Variants in FBRSL1 observed in about 807,000 individuals in gnomAD.
The protein encoded by FBRSL1 is fibrosin-1-like protein.
Under a neutral mutation model 89.6 loss-of-function variants are expected in FBRSL1, and 51 were observed. That is an observed-to-expected ratio of 0.57 (90% CI 0.45 to 0.72). The LOEUF (loss-of-function observed/expected upper bound fraction) is 0.72. FBRSL1 is among the 30% of genes least tolerant of loss of function. The pLI, the probability that FBRSL1 is intolerant of heterozygous loss-of-function variation, is 0.00. For missense variants in FBRSL1, 1,618 were observed against 1,451.8 expected, an observed-to-expected ratio of 1.11 and a Z score of -1.86; for synonymous variants, 779 against 681.1, an observed-to-expected ratio of 1.14 and a Z score of -2.24.
chr12:132,496,925 C>T (rs537237223), intron 1 of FBRSL1, among the ~76,000 whole-genome samples: 10 of 152,024 alleles, frequency 6.6e-5, no homozygotes, highest in Admixed American at 2.0e-4. Flanking sequence ...GCCGCTGCCC[C>T]GCGCTTCCTT....
At chr12:132,574,938 G>A (rs1426036885) in intron 14 of FBRSL1, among the ~76,000 whole-genome samples, 1 of 152,058 alleles carries the variant, frequency 6.6e-6, no homozygotes, top group Non-Finnish European at 1.5e-5. Context: ...TCGGTCTTCA[G>A]CAGTGACCCA....
chr12:132,581,368 T>A, intron 15 of FBRSL1, 71 bp from the exon 16 acceptor site: 1 of 1,549,874 alleles, frequency 6.5e-7, no homozygotes, highest in Non-Finnish European at 8.7e-7. Flanking sequence ...GTGCTCCCTG[T>A]GAACAGAGCT....
chr12:132,505,542 C>G (rs1428457847), intron 1 of FBRSL1, among the ~76,000 whole-genome samples: 1 of 152,252 alleles, frequency 6.6e-6, no homozygotes, highest in East Asian at 1.9e-4. Flanking sequence ...TGCTGCCTGT[C>G]ATGGTGGCCT....
Position 132,583,538 on chromosome 12 carries a change from C to G in FBRSL1, c.2769C>G (p.Pro923=). The G allele has an allele frequency of 1.9e-6, 2 of 1,047,202 alleles. No homozygotes were observed. The highest frequency in any genetic ancestry group is 2.3e-6 in the Non-Finnish European group (2 of 868,628). 64.9% of individuals were successfully genotyped at this position (1,047,202 alleles called of 1,614,324 possible). A position where few individuals can be genotyped will look rare whatever the true frequency, so the allele number is the denominator to read the frequency against. ...CCGCCTTGGACGGCGCGCTGCTGCC[C>G]TCGCTGGGAGCCCTGCACTTCCCGC... is the stretch of plus-strand genomic sequence containing the variant. ...AAPALDGALL[P]SLGALHFPRL... The change falls in exon 19 of 19, where the codon CCC becomes CCG. Residue 923 remains proline (P), a synonymous_variant. Transcript: ENST00000680143.
chr12:132,571,939 T>G, intron 9 of FBRSL1: 1 of 382,498 alleles, frequency 2.6e-6, no homozygotes. Context: ...TCTCGAGTTT[T>G]ATTCGGAAAC....
At chr12:132,526,847 C>G (rs571645362) in intron 3 of FBRSL1, among the ~76,000 whole-genome samples, 1 of 152,094 alleles carries the variant, frequency 6.6e-6, no homozygotes, top group South Asian at 2.1e-4. Flanking sequence ...CAGCCCTGAG[C>G]CTGTTTCCCC....
intron 4 of FBRSL1, among the ~76,000 whole-genome samples, chr12:132,536,951 G>T (rs150382099): frequency 6.6e-6 from 1 of 152,250 alleles, no homozygotes; most frequent in Non-Finnish European, 1.5e-5. Context: ...TGCCATGCCT[G>T]TGTGGTAACG....
At position 132,490,664 on chromosome 12, in the gene FBRSL1, C is replaced by A. The variant is rs1016361246; in HGVS notation, c.94C>A (p.Pro32Thr). Reference sequence around the variant, plus strand: ...CGCCCGCGACGCCCGCGCCCAGAGTCCGTCGTCGGGCGACGAGCCCGAGCC... The same window carrying A: ...CGCCCGCGACGCCCGCGCCCAGAGTACGTCGTCGGGCGACGAGCCCGAGCC... ...EAARDARAQS[P>T]SSGDEPEPSP... Residue 32 changes from proline to threonine, a missense_variant, in exon 1 of 19, where the codon CCG becomes ACG. Transcript: ENST00000680143. 67 of 996,522 alleles carry A rather than the reference C, an allele frequency of 6.7e-5. No homozygotes were observed. Among genetic ancestry groups the A allele is most frequent in the Non-Finnish European group, 7.8e-5 (65 of 834,718 alleles). 61.7% of individuals were successfully genotyped at this position (996,522 alleles called of 1,614,324 possible).
chr12:132,508,478 C>T (rs1033826445), intron 2 of FBRSL1, 128 bp downstream of exon 2: 7 of 1,171,182 alleles, frequency 6.0e-6, no homozygotes, highest in Non-Finnish European at 8.1e-6. Context: ...CCATCGTTGT[C>T]AGGCTTGGGG....
At chr12:132,541,696 G>A (rs562766435) in intron 4 of FBRSL1, among the ~76,000 whole-genome samples, 1 of 152,238 alleles carries the variant, frequency 6.6e-6, no homozygotes, top group African/African-American at 2.4e-5. Flanking sequence ...TCAGCCCTGG[G>A]GGCTGCCGGT....
chr12:132,551,807 C>T (rs1022046811), intron 5 of FBRSL1: 5 of 348,354 alleles, frequency 1.4e-5, no homozygotes, highest in East Asian at 7.6e-5. Context: ...CGCAAGTCTT[C>T]GGTTTGTGTC....
rs3751304 is a variant in FBRSL1, at chr12:132,582,046, C to T, written c.1997-16C>T. 0.71 allele frequency: 1,087,560 copies of T among 1,537,028 alleles called. 386,334 individuals are homozygous for T. Among genetic ancestry groups the T allele is most frequent in the East Asian group, 0.83 (33,872 of 40,676 alleles). Reference sequence around the variant, plus strand: ...CAGACAGACCCAACCTCATGCTCCCCGGCCTCTGCCCCCAGCTCCCGGTGG... The same window carrying T: ...CAGACAGACCCAACCTCATGCTCCCTGGCCTCTGCCCCCAGCTCCCGGTGG... On this transcript the variant is annotated splice_polypyrimidine_tract_variant and intron_variant, in intron 17 of 18. Coordinates refer to ENST00000680143, the MANE Select transcript of FBRSL1 (RefSeq NM_001367871.1).
chr12:132,525,852 G>A, intron 3 of FBRSL1, 29 bp downstream of exon 3: 2 of 1,522,856 alleles, frequency 1.3e-6, no homozygotes, highest in Non-Finnish European at 1.8e-6. Context: ...GCGCCCGGAG[G>A]CTCCGAGTCT....
chr12:132,549,787 C>A (rs76439770), intron 5 of FBRSL1, among the ~76,000 whole-genome samples: 13,755 of 152,270 alleles, frequency 0.09, 1,268 homozygotes, highest in African/African-American at 0.23. Context: ...TAACGCCAGC[C>A]TCCGAGACCC....
chr12:132,496,135 G>A (rs916100730), intron 1 of FBRSL1, among the ~76,000 whole-genome samples: 3 of 152,240 alleles, frequency 2.0e-5, no homozygotes, highest in East Asian at 3.8e-4. Flanking sequence ...GCCTGGTGCC[G>A]GCTGCCCTTT....
chr12:132,562,443 A>G (rs2039210565), intron 5 of FBRSL1, among the ~76,000 whole-genome samples: 1 of 152,112 alleles, frequency 6.6e-6, no homozygotes, highest in South Asian at 2.1e-4. Flanking sequence ...TGTGTGGTTG[A>G]GCTGGGTCTG....
At chr12:132,529,030 A>G (rs2036038237) in intron 4 of FBRSL1, among the ~76,000 whole-genome samples, 1 of 152,090 alleles carries the variant, frequency 6.6e-6, no homozygotes, top group African/African-American at 2.4e-5. Context: ...ATTTTCCCTT[A>G]AGTATCAGGA....
intron 5 of FBRSL1, chr12:132,565,532 T>TGTACGTACCCGAGTGTGCTCAC (rs2039547363): frequency 2.0e-5 from 3 of 151,514 alleles, no homozygotes; most frequent in Non-Finnish European, 4.4e-5. Flanking sequence ...AGTGTGCTCA[T>TGTACGTACCCGAGTGTGCTCAC]GTACACGTAC....
rs1394877110 is a variant in FBRSL1 at position 132,583,361 on chromosome 12, C to T, written c.2592C>T (p.Ala864=). ...PFRGLELPRR[A]FPAAAPAPGS... ...GCGGCCTGGAGCTGCCACGTCGCGC[C>T]TTCCCCGCTGCCGCCCCCGCCCCGG... Residue 864 remains alanine, a synonymous_variant, in exon 19 of 19, where the codon GCC becomes GCT. Coordinates refer to ENST00000680143, the MANE Select transcript of FBRSL1 (RefSeq NM_001367871.1). 8.8e-7 allele frequency: 1 copy of T among 1,130,436 alleles called. No homozygotes were observed. Among genetic ancestry groups the T allele is most frequent in the Non-Finnish European group, 1.1e-6 (1 of 920,936 alleles). The allele number at this position is 1,130,436 out of a possible 1,614,324, so 70.0% of individuals were successfully genotyped here. A position where few individuals can be genotyped will look rare whatever the true frequency, so the allele number is the denominator to read the frequency against.
Sources: gnomAD v4.1 joint callset for allele counts (sites outside exome capture counted in the v4.1 genomes callset) on GRCh38, gnomAD v4.1.1 for gene constraint, MANE v1.5 for transcripts, NCBI Gene and HGNC (gene_info 2026-07-23, HGNC 2026-07-21) for gene names.